The following GABRA3 variants were observed in gnomAD, a reference collection of about 807,000 sequenced individuals.
GABRA3 encodes the protein gamma-aminobutyric acid type A receptor subunit alpha3.
Under a neutral mutation model 30.1 loss-of-function variants are expected in GABRA3, and 10 were observed. The observed-to-expected ratio is 0.33, with a 90% CI of 0.20 to 0.56. GABRA3 has a LOEUF of 0.56. GABRA3 is among the 20% of genes least tolerant of loss of function. The pLI, the probability that GABRA3 is intolerant of heterozygous loss-of-function variation, is 0.89. For synonymous variants in GABRA3, 151 were observed against 146.8 expected (o/e 1.03, Z -0.21); for missense variants, 233 against 392.0 (o/e 0.59, Z 3.42).
chrX:152,270,024 A>G (rs1272393479), intron 4 of GABRA3, among the ~76,000 whole-genome samples: 3 of 112,278 alleles, frequency 2.7e-5, no homozygotes, highest in African/African-American at 9.7e-5. Flanking sequence ...TTCTGCAAAG[A>G]AAATGAAACA....
At chrX:152,267,930 C>CA (rs1367664401) in intron 4 of GABRA3, among the ~76,000 whole-genome samples, 1 of 110,311 alleles carries the variant, frequency 9.1e-6, no homozygotes, top group Admixed American at 9.6e-5. Context: ...TTTATCTTTT[C>CA]AAAAAAACAA....
At chrX:152,317,406 G>A (rs1434898195) in intron 3 of GABRA3, among the ~76,000 whole-genome samples, 1 of 111,352 alleles carries the variant, frequency 9.0e-6, no homozygotes, top group African/African-American at 3.3e-5. Flanking sequence ...GCACTAGACA[G>A]GTCATCAAGA....
At chrX:152,177,880 G>C (rs184771211) in intron 9 of GABRA3, among the ~76,000 whole-genome samples, 1 of 111,947 alleles carries the variant, frequency 8.9e-6, no homozygotes, top group Non-Finnish European at 1.9e-5. Context: ...GAAAAATAGA[G>C]TGATAAAGCC....
intron 1 of GABRA3, among the ~76,000 whole-genome samples, chrX:152,404,395 G>T (rs1414874296): frequency 1.8e-5 from 2 of 110,703 alleles, no homozygotes; most frequent in Non-Finnish European, 3.8e-5. Context: ...AGTTAGAAAA[G>T]CTTGTAACAA....
intron 3 of GABRA3, among the ~76,000 whole-genome samples, chrX:152,296,917 T>C (rs1457531843): frequency 9.0e-6 from 1 of 110,594 alleles, no homozygotes; most frequent in Non-Finnish European, 1.9e-5. Flanking sequence ...CAGGCTGGTA[T>C]TGAACTCCTG....
chrX:152,264,772 C>G (rs1339849239), intron 4 of GABRA3, among the ~76,000 whole-genome samples: 3 of 110,723 alleles, frequency 2.7e-5, no homozygotes. Context: ...TTTAAAGACA[C>G]ATGTAAACTG....
intron 2 of GABRA3, among the ~76,000 whole-genome samples, chrX:152,351,004 G>A (rs1001256768): frequency 1.8e-5 from 2 of 111,852 alleles, no homozygotes; most frequent in East Asian, 2.8e-4. Flanking sequence ...GACTGCAACC[G>A]TGTGCTTAAA....
chrX:152,394,037 G>GTCA (rs1175151233), intron 1 of GABRA3, among the ~76,000 whole-genome samples: 2 of 110,961 alleles, frequency 1.8e-5, no homozygotes, highest in East Asian at 2.8e-4. Flanking sequence ...TCATTGTCAT[G>GTCA]TCATCATCAT....
chrX:152,375,931 G>T (rs1287054080), intron 1 of GABRA3, among the ~76,000 whole-genome samples: 1 of 111,686 alleles, frequency 9.0e-6, no homozygotes, highest in Non-Finnish European at 1.9e-5. Flanking sequence ...AATTATTAAT[G>T]CCTCATTCAT....
At chrX:152,442,714 A>T (rs1250335673) in intron 1 of GABRA3, among the ~76,000 whole-genome samples, 2 of 111,999 alleles carry the variant, frequency 1.8e-5, no homozygotes, top group African/African-American at 6.5e-5. Flanking sequence ...GAAATGAAGA[A>T]TAGATAAATT....
At chrX:152,311,316 C>T (rs1290249147) in intron 3 of GABRA3, among the ~76,000 whole-genome samples, 1 of 111,879 alleles carries the variant, frequency 8.9e-6, no homozygotes, top group Non-Finnish European at 1.9e-5. Context: ...TAACAAAATA[C>T]TAGCACACCA....
chrX:152,242,386 T>C (rs1047308903), intron 5 of GABRA3, among the ~76,000 whole-genome samples: 2 of 111,566 alleles, frequency 1.8e-5, no homozygotes, highest in Non-Finnish European at 3.8e-5. Context: ...CCCAAAAGCA[T>C]AGGCAACAAA....
chrX:152,338,297 T>C (rs1435662434), intron 3 of GABRA3, among the ~76,000 whole-genome samples: 2 of 112,307 alleles, frequency 1.8e-5, no homozygotes, highest in Non-Finnish European at 3.8e-5. Context: ...TTTTGAGCAT[T>C]TTTTCATGTA....
Position 152,287,043 on chromosome X carries a change from C to G in GABRA3, c.263-2308G>C, listed in dbSNP as rs539691094. ...GGCTAAAGAAGCAAATGCCTATATACCTACTGTGTGACATAATGACCTCCA... is the reference window on the plus strand; with the variant it reads ...GGCTAAAGAAGCAAATGCCTATATAGCTACTGTGTGACATAATGACCTCCA... On this transcript the variant is annotated intron_variant, in intron 3 of 9. Coordinates refer to ENST00000370314, the MANE Select transcript of GABRA3 (RefSeq NM_000808.4). Among the ~76,000 whole-genome samples, 5 of 111,528 alleles carry G rather than the reference C, an allele frequency of 4.5e-5. No individual in the cohort carries two copies. In the Admixed American group the frequency reaches 4.8e-4, roughly 11 times the overall value.
intron 3 of GABRA3, among the ~76,000 whole-genome samples, chrX:152,315,470 A>G (rs755606663): frequency 9.0e-6 from 1 of 111,264 alleles, no homozygotes; most frequent in African/African-American, 3.3e-5. Context: ...GAACTTTGTA[A>G]CAATTCCATC....
chrX:152,436,721 C>T (rs1340686036), intron 1 of GABRA3, among the ~76,000 whole-genome samples: 2 of 111,132 alleles, frequency 1.8e-5, no homozygotes, highest in African/African-American at 3.3e-5. Context: ...TACCTTGCTC[C>T]AAAGGCAAAA....
intron 1 of GABRA3, among the ~76,000 whole-genome samples, chrX:152,418,017 A>C (rs62610411): frequency 0.46 from 48,735 of 105,572 alleles, 10,323 homozygotes; most frequent in Non-Finnish European, 0.63. Flanking sequence ...CTAAAACTTA[A>C]TGTATAATAA....
intron 4 of GABRA3, among the ~76,000 whole-genome samples, chrX:152,279,800 G>T (rs923852571): frequency 9.0e-6 from 1 of 111,357 alleles, no homozygotes. Flanking sequence ...GAAGTGGTTT[G>T]TAGTTCTCCT....
intron 1 of GABRA3, among the ~76,000 whole-genome samples, chrX:152,378,753 A>G (rs1929063544): frequency 8.9e-6 from 1 of 111,777 alleles, no homozygotes; most frequent in Admixed American, 9.5e-5. Flanking sequence ...TTAAAACTAA[A>G]TTAACTACAT....
Sources: gnomAD v4.1 joint callset for allele counts (sites outside exome capture counted in the v4.1 genomes callset) on GRCh38, gnomAD v4.1.1 for gene constraint, MANE v1.5 for transcripts, NCBI Gene and HGNC (gene_info 2026-07-23, HGNC 2026-07-21) for gene names.